MADD: variants seen among roughly 807,000 people sequenced by gnomAD.
The protein encoded by MADD is MAP kinase activating death domain.
MADD carries 109 observed loss-of-function variants against 176.7 expected under a neutral mutation model. That is an observed-to-expected ratio of 0.62 (90% CI 0.53 to 0.72). MADD has a LOEUF of 0.72. MADD is among the 30% of genes least tolerant of loss of function. The pLI, the probability that MADD is intolerant of heterozygous loss-of-function variation, is 0.00. For missense variants in MADD, 1,914 were observed against 2,045.5 expected, an observed-to-expected ratio of 0.94 and a Z score of 1.24; for synonymous variants, 771 against 771.3, an observed-to-expected ratio of 1.00 and a Z score of 0.01.
Position 47,286,403 on chromosome 11 carries a change from G to A in MADD, c.2552-30G>A, listed in dbSNP as rs368992567. The stretch of plus-strand genomic sequence containing the variant: ...CTGCTTTGATTACTTACTCTGCCAA[G>A]TCATCGCTCTTGCACCCTCCCCTTG... On this transcript the variant is annotated intron_variant, in intron 14 of 32. Transcript: ENST00000402192. 5 of 1,461,618 alleles carry A rather than the reference G, an allele frequency of 3.4e-6. No homozygotes were observed. The East Asian group carries it at 9.1e-5, about 26-fold the overall frequency. 90.5% of individuals were successfully genotyped at this position (1,461,618 alleles called of 1,614,324 possible). A position where few individuals can be genotyped will look rare whatever the true frequency, so the allele number is the denominator to read the frequency against.
chr11:47,276,914 G>C, intron 5 of MADD, 51 bp downstream of exon 5: 1 of 1,602,224 alleles, frequency 6.2e-7, no homozygotes, highest in Non-Finnish European at 8.5e-7. Context: ...TCCTGAGGGA[G>C]GAGGCTTAAT....
intron 22 of MADD, among the ~76,000 whole-genome samples, chr11:47,306,862 T>A (rs2083157550): frequency 6.6e-6 from 1 of 152,184 alleles, no homozygotes; most frequent in Admixed American, 6.5e-5. Context: ...TAGGCTGTTT[T>A]TTTTTGTTGT....
At chr11:47,284,348 G>A (rs1012892526) in intron 11 of MADD, 27 bp from the exon 12 acceptor site, 41 of 1,613,988 alleles carry the variant, frequency 2.5e-5, no homozygotes, top group South Asian at 3.3e-5. Flanking sequence ...GGAGTGGTCT[G>A]TACCTGCCTC....
intron 20 of MADD, among the ~76,000 whole-genome samples, chr11:47,294,770 A>G (rs184898716): frequency 2.0e-5 from 3 of 152,150 alleles, no homozygotes; most frequent in Non-Finnish European, 4.4e-5. Context: ...ATGTAATGCA[A>G]TATTAGTATC....
intron 7 of MADD, 109 bp from the exon 8 acceptor site, chr11:47,281,466 C>A: frequency 3.7e-6 from 3 of 811,572 alleles, no homozygotes; most frequent in South Asian, 2.7e-5. Flanking sequence ...AACTTTTTGA[C>A]CAGAGAATAC....
At chr11:47,276,912 G>T in intron 5 of MADD, 49 bp downstream of exon 5, 1 of 1,604,012 alleles carries the variant, frequency 6.2e-7, no homozygotes, top group Non-Finnish European at 8.5e-7. Flanking sequence ...CTTCCTGAGG[G>T]AGGAGGCTTA....
chr11:47,275,787 A>G, intron 3 of MADD, 112 bp from the exon 4 acceptor site: 7 of 1,068,540 alleles, frequency 6.6e-6, no homozygotes, highest in South Asian at 1.6e-5. Context: ...GGCTTTCTTA[A>G]TGATGCTCCG....
intron 7 of MADD, among the ~76,000 whole-genome samples, chr11:47,279,863 G>T (rs2054697457): frequency 6.6e-6 from 1 of 151,974 alleles, no homozygotes; most frequent in Non-Finnish European, 1.5e-5. Context: ...ACGAGGTCAG[G>T]AGTTGAAGAC....
chr11:47,274,788 C>T (rs762167053), exon 3 of MADD: 1 of 1,614,232 alleles, frequency 6.2e-7, no homozygotes, highest in South Asian at 1.1e-5. Flanking sequence ...TCTGTGTTAA[C>T]TTCTACCGCT....
chr11:47,289,746 G>A (rs1451132788), intron 16 of MADD, 121 bp from the exon 18 acceptor site: 23 of 1,155,020 alleles, frequency 2.0e-5, no homozygotes, highest in Non-Finnish European at 2.7e-5. Flanking sequence ...TGGTGCACTT[G>A]GACATTCAGA....
chr11:47,304,063 T>C (rs2140285454), intron 22 of MADD, among the ~76,000 whole-genome samples: 1 of 152,296 alleles, frequency 6.6e-6, no homozygotes, highest in South Asian at 2.1e-4. Flanking sequence ...AATCCAATAA[T>C]ATGAATATTT....
exon 22 of MADD, chr11:47,295,927 G>C (rs1482068461): frequency 1.9e-6 from 3 of 1,613,954 alleles, no homozygotes; most frequent in Non-Finnish European, 2.5e-6. Context: ...GACCCTTGGA[G>C]CTGACAGTGA....
At chr11:47,302,560 C>G (rs988845978) in intron 22 of MADD, among the ~76,000 whole-genome samples, 1 of 152,196 alleles carries the variant, frequency 6.6e-6, no homozygotes, top group African/African-American at 2.4e-5. Flanking sequence ...ATAATTATAG[C>G]TACTCTTGCT....
exon 33 of MADD, chr11:47,329,445 G>T (rs540808718): frequency 2.5e-5 from 10 of 401,218 alleles, no homozygotes; most frequent in Non-Finnish European, 3.3e-5. Context: ...TGAGACATTT[G>T]TGTTGTGGTT....
exon 3 of MADD, chr11:47,275,085 T>C (rs2136325187): frequency 6.2e-7 from 1 of 1,614,214 alleles, no homozygotes; most frequent in Non-Finnish European, 8.5e-7. Context: ...GTTTGTATAC[T>C]CTCAAGCGCC....
At chr11:47,327,316 G>A in intron 31 of MADD, 1 of 988,416 alleles carries the variant, frequency 1.0e-6, no homozygotes. Context: ...GCTGTAGCCG[G>A]AAGCTGGGAG....
chr11:47,281,430 C>T (rs1301376549), intron 7 of MADD, 145 bp from the exon 8 acceptor site: 27 of 540,016 alleles, frequency 5.0e-5, no homozygotes, highest in Non-Finnish European at 7.7e-5. Flanking sequence ...CCGTGATTTG[C>T]AAATTAGCAC....
chr11:47,294,683 A>G (rs1023786617), intron 20 of MADD, among the ~76,000 whole-genome samples: 1 of 151,360 alleles, frequency 6.6e-6, no homozygotes, highest in Admixed American at 6.6e-5. Context: ...AAAAAAAAAA[A>G]AAAAAAAAAA....
At chr11:47,294,058 ACAGT>A (rs745705655) in intron 20 of MADD, 75 bp downstream of exon 22, 16 of 1,228,704 alleles carry the variant, frequency 1.3e-5, no homozygotes, top group Non-Finnish European at 1.9e-5. Flanking sequence ...TTAAAATAGA[ACAGT>A]CAGACAGCCG....
Sources: gnomAD v4.1 joint callset for allele counts (sites outside exome capture counted in the v4.1 genomes callset) on GRCh38, gnomAD v4.1.1 for gene constraint, MANE v1.5 for transcripts, NCBI Gene and HGNC (gene_info 2026-07-23, HGNC 2026-07-21) for gene names.